The following XRCC4 variants were observed in gnomAD, a reference collection of about 807,000 sequenced individuals.
The protein encoded by XRCC4 is X-ray repair cross complementing 4, also known as DNA repair protein XRCC4.
Under a neutral mutation model 39.1 loss-of-function variants are expected in XRCC4, and 28 were observed. The observed-to-expected ratio is 0.72, with a 90% CI of 0.53 to 0.98. The LOEUF (loss-of-function observed/expected upper bound fraction) is 0.98, where lower values mean the gene tolerates loss of function less well. Ranked by LOEUF, XRCC4 falls within the 50% of genes least tolerant of loss-of-function variation. The probability of loss-of-function intolerance (pLI) is 0.00; values close to 1 mark genes in which losing one functional copy is unlikely to be tolerated. For synonymous variants in XRCC4, 123 were observed against 126.4 expected (o/e 0.97, Z 0.18); for missense variants, 350 against 376.4 (o/e 0.93, Z 0.58).
chr5:83,291,884 G>T (rs894370206), intron 7 of XRCC4, among the ~76,000 whole-genome samples: 5 of 150,968 alleles, frequency 3.3e-5, no homozygotes, highest in African/African-American at 1.2e-4. Flanking sequence ...ATGGATGGAT[G>T]GACAGATAGA....
chr5:83,137,455 A>G (rs1053531804), intron 3 of XRCC4, among the ~76,000 whole-genome samples: 5 of 152,214 alleles, frequency 3.3e-5, no homozygotes, highest in Non-Finnish European at 4.4e-5. Context: ...ATGGTTATTA[A>G]CCATTTTTGA....
intron 3 of XRCC4, among the ~76,000 whole-genome samples, chr5:83,131,833 C>G (rs1400526591): frequency 6.6e-6 from 1 of 152,128 alleles, no homozygotes; most frequent in East Asian, 1.9e-4. Context: ...ACTCTTTCTC[C>G]AATCTGCCTG....
chr5:83,118,347 T>A lies in XRCC4; in HGVS notation c.315+7144T>A, dbSNP rs143464747. On this transcript the variant is annotated intron_variant, in intron 3 of 7. Coordinates refer to ENST00000396027, the MANE Select transcript of XRCC4 (RefSeq NM_003401.5). The stretch of plus-strand genomic sequence containing the variant: ...GACAGGGTCACACTTTTTTGCCTAG[T>A]CTGGAGTACAGTGATGTGATCATAG... Among the ~76,000 whole-genome samples the A allele has an allele frequency of 4.8e-3, 726 of 151,932 alleles. 7 individuals carry two copies. The highest frequency in any genetic ancestry group is 0.017 in the African/African-American group (695 of 41,416).
intron 7 of XRCC4, among the ~76,000 whole-genome samples, chr5:83,343,950 A>G (rs756514135): frequency 2.0e-5 from 3 of 152,166 alleles, no homozygotes; most frequent in Non-Finnish European, 2.9e-5. Flanking sequence ...TATGCCTAAT[A>G]CTAAACCTTC....
At chr5:83,203,856 T>C in intron 5 of XRCC4, 149 bp downstream of exon 5, 1 of 880,514 alleles carries the variant, frequency 1.1e-6, no homozygotes, top group South Asian at 1.6e-5. Flanking sequence ...TAGATAGGGG[T>C]ACCATGGGCT....
chr5:83,179,306 A>G (rs1750101219), intron 3 of XRCC4, among the ~76,000 whole-genome samples: 1 of 152,208 alleles, frequency 6.6e-6, no homozygotes, highest in Non-Finnish European at 1.5e-5. Context: ...AGCAATGTTG[A>G]AGAAATTATT....
chr5:83,117,343 A>G lies in XRCC4; in HGVS notation c.315+6140A>G, dbSNP rs540716991. Among the ~76,000 whole-genome samples, 12 of 152,264 alleles carry G rather than the reference A, an allele frequency of 7.9e-5. No homozygotes were observed. In the South Asian group the frequency reaches 2.3e-3, roughly 29 times the overall value. The stretch of plus-strand genomic sequence containing the variant: ...TGCTTTGGGCCACTGTTTTCCCTCT[A>G]CCTTTAACAATTTATCCTGATTTTG... On this transcript the variant is annotated intron_variant, in intron 3 of 7. Transcript: ENST00000396027.
chr5:83,124,328 T>C (rs930129489), intron 3 of XRCC4, among the ~76,000 whole-genome samples: 1 of 152,204 alleles, frequency 6.6e-6, no homozygotes, highest in African/African-American at 2.4e-5. Context: ...TTTGTCACTG[T>C]AGTTTTGTCA....
At chr5:83,117,708 G>C (rs1203561785) in intron 3 of XRCC4, among the ~76,000 whole-genome samples, 1 of 149,740 alleles carries the variant, frequency 6.7e-6, no homozygotes, top group Non-Finnish European at 1.5e-5. Flanking sequence ...TAAACATTTT[G>C]GCTATAAGGA....
At chr5:83,186,862 T>C (rs76251606) in intron 3 of XRCC4, among the ~76,000 whole-genome samples, 2,189 of 152,166 alleles carry the variant, frequency 0.014, 61 homozygotes, top group African/African-American at 0.051. Context: ...TTCTGGAGGC[T>C]CTACAGGAGA....
intron 6 of XRCC4, among the ~76,000 whole-genome samples, chr5:83,246,263 G>T (rs1753096855): frequency 6.6e-6 from 1 of 151,694 alleles, no homozygotes; most frequent in Non-Finnish European, 1.5e-5. Context: ...GTATTCCTTG[G>T]CTAAGATATC....
At chr5:83,108,659 CTGTTTTCTTTTG>C (rs1746309183) in intron 2 of XRCC4, among the ~76,000 whole-genome samples, 1 of 151,644 alleles carries the variant, frequency 6.6e-6, no homozygotes, top group Non-Finnish European at 1.5e-5. Flanking sequence ...TAGATGTTCT[CTGTTTTCTTTTG>C]TGTTTTCTTC....
intron 7 of XRCC4, among the ~76,000 whole-genome samples, chr5:83,288,439 A>G (rs1044511994): frequency 2.0e-5 from 3 of 151,872 alleles, no homozygotes; most frequent in Non-Finnish European, 2.9e-5. Context: ...GTGTATTTTG[A>G]CATGCTTGTT....
chr5:83,286,349 A>G (rs35271), intron 7 of XRCC4, among the ~76,000 whole-genome samples: 43,353 of 152,004 alleles, frequency 0.29, 9,164 homozygotes, highest in African/African-American at 0.6. Flanking sequence ...TCTCTGATAC[A>G]ATTTTCCAAA....
chr5:83,231,952 T>TTA (rs375493151), intron 6 of XRCC4, among the ~76,000 whole-genome samples: 1 of 152,196 alleles, frequency 6.6e-6, no homozygotes, highest in African/African-American at 2.4e-5. Context: ...CTATTGGACT[T>TTA]TATAATGTGT....
chr5:83,120,834 T>A (rs1746976289), intron 3 of XRCC4, among the ~76,000 whole-genome samples: 1 of 152,192 alleles, frequency 6.6e-6, no homozygotes, highest in African/African-American at 2.4e-5. Flanking sequence ...AGTATACAAC[T>A]GGGTAAATTT....
intron 6 of XRCC4, among the ~76,000 whole-genome samples, chr5:83,228,831 C>T (rs1292180252): frequency 6.6e-6 from 1 of 151,978 alleles, no homozygotes; most frequent in African/African-American, 2.4e-5. Flanking sequence ...TAGTGATATC[C>T]CGCTTTCCTT....
chr5:83,228,338 G>A (rs1019632899), intron 6 of XRCC4, among the ~76,000 whole-genome samples: 2 of 151,702 alleles, frequency 1.3e-5, no homozygotes, highest in African/African-American at 4.8e-5. Context: ...TTTACATAAG[G>A]CATCTAGATT....
chr5:83,340,756 G>A (rs1423388472), intron 7 of XRCC4, among the ~76,000 whole-genome samples: 1 of 152,076 alleles, frequency 6.6e-6, no homozygotes, highest in Non-Finnish European at 1.5e-5. Context: ...ATGATAAATT[G>A]GCATTGTTCT....
Sources: allele counts gnomAD v4.1 joint callset (sites outside exome capture counted in the v4.1 genomes callset), GRCh38; gene constraint gnomAD v4.1.1; transcripts MANE v1.5; gene names NCBI Gene and HGNC (gene_info 2026-07-23, HGNC 2026-07-21).